LRRC8C: variants seen among roughly 807,000 people sequenced by gnomAD.
The protein encoded by LRRC8C is volume-regulated anion channel subunit LRRC8C.
A neutral mutation model predicts 55.3 loss-of-function variants in LRRC8C; 20 were observed. That is an observed-to-expected ratio of 0.36 (90% CI 0.25 to 0.53). The LOEUF (loss-of-function observed/expected upper bound fraction) is 0.53, where lower values mean the gene tolerates loss of function less well. Among genes scored for constraint, LRRC8C ranks in the 20% least tolerant of loss-of-function variants. The pLI is 0.92. For missense variants in LRRC8C, 659 were observed against 951.4 expected (o/e 0.69, Z 4.04); for synonymous variants, 376 against 360.7 (o/e 1.04, Z -0.48).
chr1:89,654,021 G>GTA lies in LRRC8C; in HGVS notation c.-5+20706_-5+20707dup, dbSNP rs553358537. 1.7e-4 allele frequency among the ~76,000 whole-genome samples: 26 copies of GTA among 152,174 alleles called. 1 individual carries two copies. In the South Asian group the frequency reaches 5.0e-3, roughly 29 times the overall value. ...TGGATGACTGGATAAAGAAAATGTG[G>GTA]TATATATACACAATGGAATATTATT... is the stretch of plus-strand genomic sequence containing the variant. On this transcript the variant is annotated intron_variant, in intron 1 of 2. Coordinates refer to ENST00000370454, the MANE Select transcript of LRRC8C (RefSeq NM_032270.5).
At chr1:89,653,433 T>C (rs1052889390) in intron 1 of LRRC8C, among the ~76,000 whole-genome samples, 1 of 152,232 alleles carries the variant, frequency 6.6e-6, no homozygotes, top group African/African-American at 2.4e-5. Context: ...CTAGAAAGCT[T>C]CACTGTGCAG....
At chr1:89,647,919 A>G (rs755594211) in intron 1 of LRRC8C, among the ~76,000 whole-genome samples, 26 of 152,174 alleles carry the variant, frequency 1.7e-4, no homozygotes, top group Non-Finnish European at 2.9e-4. Flanking sequence ...AATTAAAAAA[A>G]TTAGCCGGGC....
rs531949314 is a variant in LRRC8C, at chr1:89,635,219, T to C, written c.-5+1897T>C. On this transcript the variant is annotated intron_variant, in intron 1 of 2. Transcript: ENST00000370454. Reference sequence around the variant, plus strand: ...AGAAATATGTTTAACTCCCAAGTGTTCAATTTTTACCAAATTGTTATGATT... The same window carrying C: ...AGAAATATGTTTAACTCCCAAGTGTCCAATTTTTACCAAATTGTTATGATT... 4.9e-4 allele frequency among the ~76,000 whole-genome samples: 75 copies of C among 152,314 alleles called. 1 individual carries two copies. Among genetic ancestry groups the C allele is most frequent in the African/African-American group, 1.8e-3 (74 of 41,550 alleles).
intron 1 of LRRC8C, among the ~76,000 whole-genome samples, chr1:89,678,384 G>A (rs1369844862): frequency 6.6e-6 from 1 of 152,176 alleles, no homozygotes; most frequent in Non-Finnish European, 1.5e-5. Flanking sequence ...TTGCATTCTT[G>A]TGGAAGTAGA....
At position 89,714,613 on chromosome 1, in the gene LRRC8C, A is replaced by T; in HGVS notation, c.2043A>T (p.Leu681=). ...KIEVLPSHLF[L]CNKIRYLDLS... ...AGGTGCTGCCTTCCCACCTCTTCCTATGCAACAAGATCCGATACTTGGACT... is the reference window on the plus strand; with the variant it reads ...AGGTGCTGCCTTCCCACCTCTTCCTTTGCAACAAGATCCGATACTTGGACT... Residue 681 remains leucine, a synonymous_variant, in exon 3 of 3, where the codon CTA becomes CTT. Coordinates refer to ENST00000370454, the MANE Select transcript of LRRC8C (RefSeq NM_032270.5). The surrounding 1 kb of genome is among the most constrained non-coding windows in gnomAD (Gnocchi z 4.6). 1 of 1,614,026 alleles carries T rather than the reference A, an allele frequency of 6.2e-7. No homozygotes were observed. Among genetic ancestry groups the T allele is most frequent in the Non-Finnish European group, 8.5e-7 (1 of 1,179,940 alleles).
At chr1:89,624,987 G>A in the LRRC8C span, 1 of 152,114 alleles carries the variant, frequency 6.6e-6, no homozygotes, top group Non-Finnish European at 1.5e-5. Context: ...ATATCTCAAG[G>A]GGTAGAGTTC....
chr1:89,653,196 A>G (rs1656838000), intron 1 of LRRC8C, among the ~76,000 whole-genome samples: 1 of 152,244 alleles, frequency 6.6e-6, no homozygotes, highest in African/African-American at 2.4e-5. Context: ...TACTCAAATT[A>G]TTGAAAATTC....
intron 1 of LRRC8C, among the ~76,000 whole-genome samples, chr1:89,657,484 T>G (rs578161756): frequency 1.3e-5 from 2 of 152,288 alleles, no homozygotes; most frequent in African/African-American, 4.8e-5. Flanking sequence ...GTCTCACACC[T>G]GTATACCCAA....
At chr1:89,697,893 G>A (rs375631912) in intron 2 of LRRC8C, among the ~76,000 whole-genome samples, 2 of 152,276 alleles carry the variant, frequency 1.3e-5, no homozygotes, top group South Asian at 4.1e-4. Context: ...AAGCATCCTT[G>A]ATGGCTGGAA....
At chr1:89,651,533 A>G (rs1656779435) in intron 1 of LRRC8C, among the ~76,000 whole-genome samples, 1 of 132,604 alleles carries the variant, frequency 7.5e-6, no homozygotes, top group African/African-American at 3.0e-5. Context: ...GCGCCACTGC[A>G]CTCCAGTCTC....
At chr1:89,627,007 A>G in the LRRC8C span, among the ~76,000 whole-genome samples, 1 of 147,596 alleles carries the variant, frequency 6.8e-6, no homozygotes, top group Non-Finnish European at 1.5e-5. Context: ...ACACACACAC[A>G]CGTTTAAGTT....
In LRRC8C at chr1:89,657,912, A is replaced by G. The variant is rs74396100; in HGVS notation, c.-5+24590A>G. 2.0e-3 allele frequency among the ~76,000 whole-genome samples: 303 copies of G among 152,308 alleles called. 4 individuals are homozygous for G. In the East Asian group the frequency reaches 0.029, roughly 15 times the overall value. The stretch of plus-strand genomic sequence containing the variant: ...AAAAACATAGTTGATAAGACGTGTC[A>G]TTAATGTTAAGCAGCAGATTTACTT... On this transcript the variant is annotated intron_variant, in intron 1 of 2. Coordinates refer to ENST00000370454, the MANE Select transcript of LRRC8C (RefSeq NM_032270.5).
At chr1:89,638,734 A>G (rs1463331804) in intron 1 of LRRC8C, among the ~76,000 whole-genome samples, 1 of 152,116 alleles carries the variant, frequency 6.6e-6, no homozygotes, top group Non-Finnish European at 1.5e-5. Context: ...TACATTGACA[A>G]AATTATTAAA....
intron 1 of LRRC8C, among the ~76,000 whole-genome samples, chr1:89,663,578 A>G (rs985134278): frequency 5.3e-5 from 8 of 151,976 alleles, no homozygotes; most frequent in African/African-American, 1.7e-4. Flanking sequence ...TCAAAAAAAA[A>G]AAAAAAAATA....
rs575565627 is a variant in LRRC8C at position 89,656,174 on chromosome 1, C to T, written c.-5+22852C>T. On this transcript the variant is annotated intron_variant, in intron 1 of 2. Coordinates refer to ENST00000370454, the MANE Select transcript of LRRC8C (RefSeq NM_032270.5). ...GTATAACTCACCTTCCAAGAACTCT[C>T]CCTTGAGGGGACATGTTTATCTCAC... Among the ~76,000 whole-genome samples the T allele has an allele frequency of 1.2e-4, 19 of 152,226 alleles. 1 individual carries two copies. The highest frequency in any genetic ancestry group is 2.8e-4 in the Non-Finnish European group (19 of 68,044).
chr1:89,629,348 G>A (rs1039095848), upstream of LRRC8C, among the ~76,000 whole-genome samples: 2 of 152,204 alleles, frequency 1.3e-5, no homozygotes, highest in Admixed American at 1.3e-4. Flanking sequence ...GATAGAGAAT[G>A]CAGCGTAAAA....
chr1:89,708,557 C>G (rs1658552995), intron 2 of LRRC8C: 1 of 151,632 alleles, frequency 6.6e-6, no homozygotes, highest in Admixed American at 6.6e-5. Flanking sequence ...GGCAAAAACA[C>G]TGTTTAACCT....
chr1:89,633,382 C>G (rs1186394155), intron 1 of LRRC8C, 60 bp downstream of exon 1: 1 of 152,432 alleles, frequency 6.6e-6, no homozygotes, highest in Non-Finnish European at 1.5e-5. Context: ...GCCACCCGCT[C>G]GGTCCGCTGT....
intron 2 of LRRC8C, among the ~76,000 whole-genome samples, chr1:89,707,563 C>T (rs904127472): frequency 4.6e-5 from 7 of 151,762 alleles, no homozygotes; most frequent in African/African-American, 1.7e-4. Context: ...CCCAGGTAAA[C>T]TCTGTACAGC....
Sources: allele counts gnomAD v4.1 joint callset (sites outside exome capture counted in the v4.1 genomes callset), GRCh38; gene constraint gnomAD v4.1.1; non-coding constraint Gnocchi (gnomAD v3.1); transcripts MANE v1.5; gene names NCBI Gene and HGNC (gene_info 2026-07-23, HGNC 2026-07-21).